The following ZNF723 variants were observed in gnomAD, a reference collection of about 807,000 sequenced individuals.
ZNF723 encodes the protein zinc finger protein 723, pseudogene.
Under a neutral mutation model 9.4 loss-of-function variants are expected in ZNF723, and 5 were observed. That is an observed-to-expected ratio of 0.53 (90% CI 0.28 to 1.12). The LOEUF is 1.12. ZNF723 is among the 50% of genes most tolerant of loss of function. The pLI is 0.10. For synonymous variants in ZNF723, 158 were observed against 168.8 expected (o/e 0.94, Z 0.49); for missense variants, 450 against 501.5 (o/e 0.90, Z 0.98).
intron 1 of ZNF723, among the ~76,000 whole-genome samples, chr19:22,846,280 G>A (rs1028434662): frequency 6.6e-6 from 1 of 152,110 alleles, no homozygotes; most frequent in African/African-American, 2.4e-5. Context: ...GGCTCCATTT[G>A]TGTTCCCCAT....
At position 22,857,741 on chromosome 19, in the gene ZNF723, C is replaced by T; in HGVS notation, c.850C>T (p.Pro284Ser). 1 of 1,282,880 alleles carries T rather than the reference C, an allele frequency of 7.8e-7. No homozygotes were observed. Among genetic ancestry groups the T allele is most frequent in the Non-Finnish European group, 1.1e-6 (1 of 879,204 alleles). 79.5% of individuals were successfully genotyped at this position (1,282,880 alleles called of 1,614,324 possible). The change falls in exon 4 of 4, where the codon CCC becomes TCC. Residue 284 changes from proline (P) to serine (S), a missense_variant. Coordinates refer to ENST00000600766, the MANE Select transcript of ZNF723 (RefSeq NM_001349726.2). ...NHKRIHTGEK[P>S]YKCKECGKAF... is the part of the protein sequence containing the mutation. ...TAAGAGAATTCACACTGGAGAGAAA[C>T]CCTACAAATGTAAAGAATGTGGCAA...
Position 22,849,286 on chromosome 19 carries a change from GCC to G in ZNF723, c.223_224del (p.Pro75SerfsTer34). ...NMKRHKMVAK[P>X]PVVCSHFAQD... Reference sequence around the variant, plus strand: ...TGAAGAGACACAAGATGGTAGCCAAGCCCCCAGGTAGGTGGAGAGTGAACACA... The same window carrying G: ...TGAAGAGACACAAGATGGTAGCCAAGCCCAGGTAGGTGGAGAGTGAACACA... On this transcript the variant is annotated frameshift_variant, in exon 3 of 4. Coordinates refer to ENST00000600766, the MANE Select transcript of ZNF723 (RefSeq NM_001349726.2). LOFTEE classifies it low-confidence loss of function (END_TRUNC). 1.7e-6 allele frequency: 1 copy of G among 580,116 alleles called. No individual in the cohort carries two copies. Among genetic ancestry groups the G allele is most frequent in the South Asian group, 2.9e-5 (1 of 34,358 alleles). The allele number at this position is 580,116 out of a possible 1,614,324, so 35.9% of individuals were successfully genotyped here.
chr19:22,858,213 C>T lies in ZNF723; in HGVS notation c.1322C>T (p.Thr441Ile). The T allele has an allele frequency of 7.3e-7, 1 of 1,370,270 alleles. No homozygotes were observed. The highest frequency in any genetic ancestry group is 2.3e-5 in the East Asian group (1 of 43,516). 84.9% of individuals were successfully genotyped at this position (1,370,270 alleles called of 1,614,324 possible). A position where few individuals can be genotyped will look rare whatever the true frequency, so the allele number is the denominator to read the frequency against. Residue 441 changes from threonine to isoleucine, a missense_variant, in exon 4 of 4, where the codon ACT becomes ATT. Thr to Ile is a moderately conservative substitution (Grantham distance 89). This residue lies in a region of ZNF723 where 237 missense variants were observed against 332.2 expected (regional missense o/e 0.71). Transcript: ENST00000600766. ...GGTTTTAGCCAATCCTCAACCCTTA[C>T]TAAACATAAGATAATTCATACTAAA... ...GKGFSQSSTL[T>I]KHKIIHTKEK...
chr19:22,847,467 T>C (rs1967329336), intron 1 of ZNF723, among the ~76,000 whole-genome samples: 1 of 152,110 alleles, frequency 6.6e-6, no homozygotes, highest in African/African-American at 2.4e-5. Context: ...GCCAAAATCA[T>C]TGGCATTATT....
chr19:22,829,129 C>A (rs1374116880), upstream of ZNF723, among the ~76,000 whole-genome samples: 1 of 151,504 alleles, frequency 6.6e-6, no homozygotes, highest in African/African-American at 2.4e-5. Context: ...GCTGAGATTG[C>A]GCCCTTGCAC....
intron 1 of ZNF723, among the ~76,000 whole-genome samples, chr19:22,841,246 GTTTAT>G (rs1186020918): frequency 6.6e-6 from 1 of 152,238 alleles, no homozygotes; most frequent in Non-Finnish European, 1.5e-5. Flanking sequence ...GATGTGAAAA[GTTTAT>G]TTTGTCATTG....
chr19:22,849,746 C>A (rs1329642484), intron 3 of ZNF723, among the ~76,000 whole-genome samples: 2 of 151,922 alleles, frequency 1.3e-5, no homozygotes, highest in African/African-American at 4.8e-5. Context: ...CCTTCTCTAC[C>A]AAAAATACAA....
chr19:22,857,175 T>C lies in ZNF723; in HGVS notation c.284T>C (p.Phe95Ser), dbSNP rs781521127. ...LWPEQGIKDS[F>S]QKVILRSYGK... ...CCAGAGCAGGGCATAAAAGATTCTT[T>C]CCAAAAAGTAATACTGAGAAGCTAT... is the stretch of plus-strand genomic sequence containing the variant. The change falls in exon 4 of 4, where the codon TTC (phenylalanine) becomes TCC (serine). Residue 95 changes from phenylalanine (F) to serine (S), a missense_variant. Physicochemically the swap from Phe to Ser is radical, Grantham distance 155. Around this residue, in one of 5 missense-constraint regions of ZNF723, gnomAD observed 143 missense variants for 101.3 expected, o/e 1.41. Coordinates refer to ENST00000600766, the MANE Select transcript of ZNF723 (RefSeq NM_001349726.2). The C allele has an allele frequency of 2.2e-5, 22 of 995,732 alleles. No homozygotes were observed. Among genetic ancestry groups the C allele is most frequent in the Non-Finnish European group, 2.9e-5 (19 of 656,324 alleles). The allele number at this position is 995,732 out of a possible 1,614,324, so 61.7% of individuals were successfully genotyped here.
At chr19:22,828,775 TG>T (rs1486338467), upstream of ZNF723, among the ~76,000 whole-genome samples, 5 of 152,106 alleles carry the variant, frequency 3.3e-5, 1 homozygote, top group Non-Finnish European at 5.9e-5. Flanking sequence ...ATAATCCAAC[TG>T]AAAATTGAAG....
At chr19:22,847,569 T>C (rs1251612388) in intron 1 of ZNF723, among the ~76,000 whole-genome samples, 5 of 152,126 alleles carry the variant, frequency 3.3e-5, no homozygotes, top group Non-Finnish European at 5.9e-5. Flanking sequence ...CAGTTTATTG[T>C]ACACATTAAA....
intron 1 of ZNF723, among the ~76,000 whole-genome samples, chr19:22,837,587 G>A (rs1200523812): frequency 5.3e-5 from 8 of 152,152 alleles, no homozygotes; most frequent in African/African-American, 7.2e-5. Flanking sequence ...TACACAGGCC[G>A]TCACACTGCT....
At chr19:22,813,218 T>C in the ZNF723 span, among the ~76,000 whole-genome samples, 1 of 152,144 alleles carries the variant, frequency 6.6e-6, no homozygotes, top group Non-Finnish European at 1.5e-5. Flanking sequence ...AATTTAGAAA[T>C]GGGACATGTG....
intron 2 of ZNF723, 99 bp downstream of exon 2, chr19:22,848,486 G>A (rs1967345745): frequency 1.1e-6 from 1 of 909,998 alleles, no homozygotes; most frequent in Non-Finnish European, 1.7e-6. Context: ...GCATAAATGA[G>A]TTTCACATCA....
chr19:22,848,912 G>A (rs62120769), intron 2 of ZNF723, among the ~76,000 whole-genome samples: 29,095 of 151,764 alleles, frequency 0.19, 3,137 homozygotes, highest in African/African-American at 0.29. Context: ...GTGCCACCAA[G>A]CCCAGCTAAT....
intron 3 of ZNF723, among the ~76,000 whole-genome samples, chr19:22,851,550 T>C (rs961653359): frequency 2.0e-5 from 3 of 152,090 alleles, no homozygotes; most frequent in Non-Finnish European, 4.4e-5. Flanking sequence ...TCTTTTTATT[T>C]ATGTGCAGTC....
At chr19:22,843,694 A>T (rs1967274703) in intron 1 of ZNF723, among the ~76,000 whole-genome samples, 1 of 152,162 alleles carries the variant, frequency 6.6e-6, no homozygotes, top group South Asian at 2.1e-4. Context: ...TATTGTAGTG[A>T]CTTCTTATGT....
chr19:22,812,949 G>GTTTTT, the ZNF723 span, among the ~76,000 whole-genome samples: 153 of 125,354 alleles, frequency 1.2e-3, no homozygotes, highest in African/African-American at 4.8e-3. Flanking sequence ...TATAGAAGGT[G>GTTTTT]TTTTTTTTGT....
chr19:22,822,526 A>G, the ZNF723 span, among the ~76,000 whole-genome samples: 1 of 152,202 alleles, frequency 6.6e-6, no homozygotes, highest in Non-Finnish European at 1.5e-5. Flanking sequence ...ATCCCTTCCA[A>G]TGGTACAGAG....
intron 1 of ZNF723, among the ~76,000 whole-genome samples, chr19:22,835,791 T>A (rs1967158018): frequency 6.6e-6 from 1 of 152,228 alleles, no homozygotes; most frequent in Non-Finnish European, 1.5e-5. Flanking sequence ...AATATTTTTG[T>A]TCTATAGCCT....
Sources: allele counts gnomAD v4.1 joint callset (sites outside exome capture counted in the v4.1 genomes callset), GRCh38; gene constraint gnomAD v4.1.1; regional missense constraint gnomAD v4.1.1; transcripts MANE v1.5; gene names NCBI Gene and HGNC (gene_info 2026-07-23, HGNC 2026-07-21).